The following CDK14 variants were observed in gnomAD, a reference collection of about 807,000 sequenced individuals.
CDK14 encodes the protein cyclin dependent kinase 14.
CDK14 carries 34 observed loss-of-function variants against 60.7 expected under a neutral mutation model. That is an observed-to-expected ratio of 0.56 (90% confidence interval 0.43 to 0.75). The LOEUF (loss-of-function observed/expected upper bound fraction) is 0.75, where lower values mean the gene tolerates loss of function less well. Ranked by LOEUF, CDK14 falls within the 30% of genes least tolerant of loss-of-function variation. The probability of loss-of-function intolerance (pLI) is 0.00; values close to 1 mark genes in which losing one functional copy is unlikely to be tolerated. For synonymous variants in CDK14, 197 were observed against 203.7 expected, an observed-to-expected ratio of 0.97 and a Z score of 0.28; for missense variants, 482 against 564.1, an observed-to-expected ratio of 0.85 and a Z score of 1.47.
At chr7:90,723,611 G>A (rs181597413) in intron 2 of CDK14, among the ~76,000 whole-genome samples, 153 of 152,254 alleles carry the variant, frequency 1.0e-3, no homozygotes, top group African/African-American at 3.4e-3. Context: ...ATATTTATGG[G>A]ATACAAGTCA....
At chr7:90,904,120 T>C (rs1792615666) in intron 7 of CDK14, among the ~76,000 whole-genome samples, 1 of 152,000 alleles carries the variant, frequency 6.6e-6, no homozygotes, top group Non-Finnish European at 1.5e-5. Context: ...GTGGGGGTTG[T>C]GTAGGTCAGG....
At chr7:90,719,022 T>C (rs1470519696) in intron 2 of CDK14, among the ~76,000 whole-genome samples, 2 of 152,140 alleles carry the variant, frequency 1.3e-5, no homozygotes, top group African/African-American at 4.8e-5. Context: ...GCTCAAAAAC[T>C]TATAAATGAC....
chr7:90,768,789 G>A (rs192723066), intron 4 of CDK14, among the ~76,000 whole-genome samples: 3 of 152,182 alleles, frequency 2.0e-5, no homozygotes, highest in South Asian at 2.1e-4. Context: ...ATGGTAAAAC[G>A]AAGACAATAA....
At chr7:90,660,462 A>T (rs764572532) in intron 2 of CDK14, among the ~76,000 whole-genome samples, 32 of 152,224 alleles carry the variant, frequency 2.1e-4, no homozygotes, top group Non-Finnish European at 4.4e-4. Context: ...ATGTATTAAT[A>T]TAAAAATGCT....
At chr7:90,663,351 G>A (rs1800902823) in intron 2 of CDK14, among the ~76,000 whole-genome samples, 1 of 152,168 alleles carries the variant, frequency 6.6e-6, no homozygotes, top group South Asian at 2.1e-4. Flanking sequence ...TACGGAGGGT[G>A]TCGTAGATAC....
At chr7:91,133,289 A>T (rs1800171973) in intron 14 of CDK14, among the ~76,000 whole-genome samples, 1 of 152,110 alleles carries the variant, frequency 6.6e-6, no homozygotes, top group Admixed American at 6.6e-5. Context: ...GTTTTGCCTA[A>T]ACTCAAATAC....
chr7:90,725,560 T>C (rs984482403), intron 2 of CDK14, among the ~76,000 whole-genome samples: 1 of 152,214 alleles, frequency 6.6e-6, no homozygotes, highest in Non-Finnish European at 1.5e-5. Context: ...TTCATAAATA[T>C]CTTCGGTTTT....
chr7:91,178,856 G>T (rs944210475), intron 14 of CDK14, among the ~76,000 whole-genome samples: 1 of 151,932 alleles, frequency 6.6e-6, no homozygotes, highest in African/African-American at 2.4e-5. Flanking sequence ...TTACACTGTT[G>T]ATGGGACTGT....
intron 2 of CDK14, chr7:90,709,271 A>G (rs1801973994): frequency 2.0e-6 from 1 of 511,288 alleles, no homozygotes; most frequent in Non-Finnish European, 3.2e-6. Context: ...CTTTTGCAGC[A>G]TGCATGATGG....
intron 10 of CDK14, among the ~76,000 whole-genome samples, chr7:90,984,698 A>G (rs1413603802): frequency 1.3e-5 from 2 of 152,214 alleles, no homozygotes; most frequent in Admixed American, 1.3e-4. Context: ...TCAGGTTTTC[A>G]AGGCTATCAT....
At chr7:90,956,962 G>T (rs1159414415) in intron 9 of CDK14, among the ~76,000 whole-genome samples, 1 of 151,408 alleles carries the variant, frequency 6.6e-6, no homozygotes, top group Non-Finnish European at 1.5e-5. Context: ...TCTTATGGCT[G>T]CATAGTATTC....
In CDK14 at chr7:90,714,374, C is replaced by G. The variant is rs532834117; in HGVS notation, c.124-12193C>G. On this transcript the variant is annotated intron_variant, in intron 2 of 14. Transcript: ENST00000380050. ...GACAAACAGCAGGATGTGTGTATCC[C>G]ACTGCTGTGCTCTATTCACCTTGCA... Among the ~76,000 whole-genome samples, 4 of 152,114 alleles carry G rather than the reference C, an allele frequency of 2.6e-5. No individual in the cohort carries two copies. In the East Asian group the frequency reaches 7.7e-4, roughly 29 times the overall value.
At chr7:90,781,360 A>G (rs904997680) in intron 4 of CDK14, among the ~76,000 whole-genome samples, 4 of 151,882 alleles carry the variant, frequency 2.6e-5, no homozygotes, top group African/African-American at 7.3e-5. Flanking sequence ...CTCCCATTTT[A>G]TGGGTTGCCT....
At chr7:90,792,761 G>GT (rs751478848) in intron 5 of CDK14, among the ~76,000 whole-genome samples, 6 of 152,070 alleles carry the variant, frequency 3.9e-5, no homozygotes, top group Non-Finnish European at 8.8e-5. Context: ...TCTCTACTCT[G>GT]TTAGCCGTAT....
At chr7:90,744,699 T>G in intron 3 of CDK14, among the ~76,000 whole-genome samples, 1 of 138,386 alleles carries the variant, frequency 7.2e-6, no homozygotes, top group East Asian at 2.1e-4. Flanking sequence ...GCTCCTCACT[T>G]CCCAGTAGGG....
chr7:90,788,499 CCTGTCCTGTCTGCTAAAGCAGAA>C (rs1433760395), intron 4 of CDK14, among the ~76,000 whole-genome samples: 2 of 152,160 alleles, frequency 1.3e-5, no homozygotes, highest in Non-Finnish European at 2.9e-5. Context: ...AAGCAGCAGG[CCTGTCCTGTCTGCTAAAGCAGAA>C]GGAAAAAGAA....
At chr7:90,677,538 G>A (rs2116550819) in intron 2 of CDK14, among the ~76,000 whole-genome samples, 1 of 152,274 alleles carries the variant, frequency 6.6e-6, no homozygotes, top group South Asian at 2.1e-4. Flanking sequence ...TAACCTGATA[G>A]TGATTTTACT....
At chr7:91,033,930 TA>T (rs1796837744) in intron 10 of CDK14, among the ~76,000 whole-genome samples, 1 of 152,166 alleles carries the variant, frequency 6.6e-6, no homozygotes. Context: ...ACAGGGAATA[TA>T]AAAACAGTAG....
chr7:90,598,005 A>G lies in CDK14; in HGVS notation c.91+1287A>G, dbSNP rs557816111. Among the ~76,000 whole-genome samples, 27 of 152,358 alleles carry G rather than the reference A, an allele frequency of 1.8e-4. No homozygotes were observed. The East Asian group carries it at 5.2e-3, about 29-fold the overall frequency. On this transcript the variant is annotated intron_variant, in intron 1 of 14. Coordinates refer to ENST00000380050, the MANE Select transcript of CDK14 (RefSeq NM_001287135.2). ...AGGGATACATGTGGAGAGTCCCTGCATTAAGATGAAGTTTGAAGCCAAGAA... is the reference window on the plus strand; with the variant it reads ...AGGGATACATGTGGAGAGTCCCTGCGTTAAGATGAAGTTTGAAGCCAAGAA...
Sources: allele counts gnomAD v4.1 joint callset (sites outside exome capture counted in the v4.1 genomes callset), GRCh38; gene constraint gnomAD v4.1.1; transcripts MANE v1.5; gene names NCBI Gene and HGNC (gene_info 2026-07-23, HGNC 2026-07-21).